Variants in AGA observed in about 807,000 individuals in gnomAD.
AGA encodes the protein N(4)-(beta-N-acetylglucosaminyl)-L-asparaginase.
A neutral mutation model predicts 40.1 loss-of-function variants in AGA; 31 were observed. The observed-to-expected ratio is 0.77, with a 90% CI of 0.58 to 1.04. The LOEUF is 1.04. Among genes scored for constraint, AGA ranks in the 50% least tolerant of loss-of-function variants. The pLI, the probability that AGA is intolerant of heterozygous loss-of-function variation, is 0.00. For missense variants in AGA, 445 were observed against 435.4 expected, an observed-to-expected ratio of 1.02 and a Z score of -0.20; for synonymous variants, 148 against 144.0, an observed-to-expected ratio of 1.03 and a Z score of -0.20.
rs563792866 is a variant in AGA at position 177,431,207 on chromosome 4, C to T, written c.*501G>A. The T allele has an allele frequency of 4.5e-6, 2 of 440,792 alleles. No individual in the cohort carries two copies. The highest frequency in any genetic ancestry group is 3.3e-5 in the South Asian group (2 of 60,994). The allele number at this position is 440,792 out of a possible 1,614,324, so 27.3% of individuals were successfully genotyped here. On this transcript the variant is annotated 3_prime_UTR_variant, in exon 9 of 9. Transcript: ENST00000264595. Reference sequence around the variant, plus strand: ...TATCTCATGTTCTATCATCTTCCTTCCTCAAGTTTTTAGGGAATATTAAGT... The same window carrying T: ...TATCTCATGTTCTATCATCTTCCTTTCTCAAGTTTTTAGGGAATATTAAGT...
At chr4:177,433,792 A>G (rs1445071927) in intron 7 of AGA, among the ~76,000 whole-genome samples, 1 of 152,170 alleles carries the variant, frequency 6.6e-6, no homozygotes, top group Non-Finnish European at 1.5e-5. Flanking sequence ...TTTACTCAGT[A>G]GCTTTACATC....
chr4:177,438,624 T>C, intron 4 of AGA, 121 bp downstream of exon 4: 1 of 737,750 alleles, frequency 1.4e-6, no homozygotes, highest in Non-Finnish European at 2.4e-6. Flanking sequence ...AAACCACTAG[T>C]TCTAATGTAC....
At chr4:177,437,269 G>T in intron 5 of AGA, 136 bp downstream of exon 5, 2 of 700,964 alleles carry the variant, frequency 2.9e-6, no homozygotes, top group Non-Finnish European at 5.1e-6. Context: ...AGACAAGATG[G>T]ATCTATCTAT....
Position 177,431,330 on chromosome 4 carries a change from C to A in AGA, c.*378G>T, listed in dbSNP as rs1367771594. On this transcript the variant is annotated 3_prime_UTR_variant, in exon 9 of 9. Transcript: ENST00000264595. Reference sequence around the variant, plus strand: ...GACTCTGCTGTTTTTTTCTTTGGGTCTAAAAAACTTGTATACTCTATTTTA... The same window carrying A: ...GACTCTGCTGTTTTTTTCTTTGGGTATAAAAAACTTGTATACTCTATTTTA... 1 of 448,208 alleles carries A rather than the reference C, an allele frequency of 2.2e-6. No individual in the cohort carries two copies. The highest frequency in any genetic ancestry group is 2.0e-5 in the African/African-American group (1 of 49,642). The allele number at this position is 448,208 out of a possible 1,614,324, so 27.8% of individuals were successfully genotyped here. A position where few individuals can be genotyped will look rare whatever the true frequency, so the allele number is the denominator to read the frequency against.
chr4:177,431,493 A>T lies in AGA; in HGVS notation c.*215T>A, dbSNP rs1361370895. ...AAATATATACAAAATACAGCCACAT[A>T]CATATTCATCTTCAGATAATATAAG... On this transcript the variant is annotated 3_prime_UTR_variant, in exon 9 of 9. Transcript: ENST00000264595. 1.6e-6 allele frequency: 1 copy of T among 610,130 alleles called. No homozygotes were observed. Among genetic ancestry groups the T allele is most frequent in the Non-Finnish European group, 3.0e-6 (1 of 338,578 alleles). 37.8% of individuals were successfully genotyped at this position (610,130 alleles called of 1,614,324 possible). A position where few individuals can be genotyped will look rare whatever the true frequency, so the allele number is the denominator to read the frequency against.
intron 5 of AGA, 116 bp downstream of exon 5, chr4:177,437,289 C>T: frequency 1.3e-6 from 1 of 777,346 alleles, no homozygotes. Context: ...TAGAGAGGCA[C>T]ACTTAATTGG....
At chr4:177,436,134 CAG>C (rs2111012921) in intron 6 of AGA, 140 bp downstream of exon 6, 3 of 736,356 alleles carry the variant, frequency 4.1e-6, no homozygotes, top group East Asian at 2.7e-5. Context: ...TGGCACTCAG[CAG>C]AGAGTACTGC....
intron 6 of AGA, among the ~76,000 whole-genome samples, chr4:177,435,191 G>A (rs1247878489): frequency 6.6e-6 from 1 of 152,046 alleles, no homozygotes; most frequent in Non-Finnish European, 1.5e-5. Context: ...GATTACAGGC[G>A]TGAGCCACTG....
chr4:177,442,203 G>A lies in AGA; in HGVS notation c.127+46C>T, dbSNP rs368930529. On this transcript the variant is annotated intron_variant, in intron 1 of 8. Transcript: ENST00000264595. Reference sequence around the variant, plus strand: ...CGGGGCGGGCTAGTCATCCCCACCCGCAAGCTCTCGCGGCGCAGCCGCCCG... The same window carrying A: ...CGGGGCGGGCTAGTCATCCCCACCCACAAGCTCTCGCGGCGCAGCCGCCCG... The A allele has an allele frequency of 4.5e-4, 722 of 1,608,354 alleles. 1 individual carries two copies. The highest frequency in any genetic ancestry group is 5.6e-4 in the Non-Finnish European group (661 of 1,177,904).
rs376050862 is a variant in AGA at position 177,442,376 on chromosome 4, C to G, written c.-1G>C. 18 of 1,613,934 alleles carry G rather than the reference C, an allele frequency of 1.1e-5. No individual in the cohort carries two copies. Among genetic ancestry groups the G allele is most frequent in the South Asian group, 5.5e-5 (5 of 91,088 alleles). On this transcript the variant is annotated 5_prime_UTR_variant, in exon 1 of 9. Transcript: ENST00000264595. Reference sequence around the variant, plus strand: ...CAGGCAAGTTCGACTTCCGCGCCATCCCTGACCACCGAAGAGACCAGCGCG... The same window carrying G: ...CAGGCAAGTTCGACTTCCGCGCCATGCCTGACCACCGAAGAGACCAGCGCG...
At chr4:177,437,789 A>G (rs913551567) in intron 4 of AGA, among the ~76,000 whole-genome samples, 1 of 152,184 alleles carries the variant, frequency 6.6e-6, no homozygotes, top group African/African-American at 2.4e-5. Flanking sequence ...CTCTCTTTAT[A>G]TATATCTAAA....
intron 7 of AGA, 100 bp from the exon 8 acceptor site, chr4:177,433,447 T>G (rs779436629): frequency 3.4e-5 from 47 of 1,364,818 alleles, no homozygotes; most frequent in African/African-American, 5.7e-5. Context: ...AATTGCCACA[T>G]GTGATAGAAT....
Position 177,434,424 on chromosome 4 carries a change from G to A in AGA, c.764C>T (p.Ala255Val). The change falls in exon 7 of 9, where the codon GCA (alanine) becomes GTA (valine). Residue 255 changes from alanine (A) to valine (V), a missense_variant. Coordinates refer to ENST00000264595, the MANE Select transcript of AGA (RefSeq NM_000027.4). ...AYADDTAGAAAATGNGDILMR... is the reference protein window; with the variant it reads ...AYADDTAGAAVATGNGDILMR... Reference sequence around the variant, plus strand: ...CAATATATCACCATTCCCAGTGGCTGCGGCTGCCCCTGCAGTATCGTCAGC... The same window carrying A: ...CAATATATCACCATTCCCAGTGGCTACGGCTGCCCCTGCAGTATCGTCAGC... 3 of 1,614,200 alleles carry A rather than the reference G, an allele frequency of 1.9e-6. No individual in the cohort carries two copies. The highest frequency in any genetic ancestry group is 2.5e-6 in the Non-Finnish European group (3 of 1,180,032).
Position 177,442,367 on chromosome 4 carries a change from C to T in AGA, c.9G>A (p.Arg3=), listed in dbSNP as rs1298222188. The part of the protein sequence containing the change: MA[R]KSNLPVLLVP... ...CGAGAAGCACAGGCAAGTTCGACTTCCGCGCCATCCCTGACCACCGAAGAG... is the reference window on the plus strand; with the variant it reads ...CGAGAAGCACAGGCAAGTTCGACTTTCGCGCCATCCCTGACCACCGAAGAG... The change falls in exon 1 of 9, where the codon CGG becomes CGA. Residue 3 remains arginine, a synonymous_variant. Transcript: ENST00000264595. The T allele has an allele frequency of 2.5e-6, 4 of 1,614,036 alleles. No individual in the cohort carries two copies. The highest frequency in any genetic ancestry group is 4.5e-5 in the East Asian group (2 of 44,868).
In AGA at chr4:177,438,739, G is replaced by A. The variant is rs762507077; in HGVS notation, c.507+6C>T. 2 of 1,534,174 alleles carry A rather than the reference G, an allele frequency of 1.3e-6. No homozygotes were observed. The highest frequency in any genetic ancestry group is 1.8e-6 in the Non-Finnish European group (2 of 1,107,266). On this transcript the variant is annotated splice_donor_region_variant and intron_variant, in intron 4 of 8. Coordinates refer to ENST00000264595, the MANE Select transcript of AGA (RefSeq NM_000027.4). ...ACTTATTTTTTTAAATTAAATGTGTGCATACCCTCCAATAATTTGGCTGGC... is the reference window on the plus strand; with the variant it reads ...ACTTATTTTTTTAAATTAAATGTGTACATACCCTCCAATAATTTGGCTGGC...
At chr4:177,435,419 C>G (rs1313816168) in intron 6 of AGA, among the ~76,000 whole-genome samples, 1 of 152,158 alleles carries the variant, frequency 6.6e-6, no homozygotes, top group East Asian at 1.9e-4. Flanking sequence ...CAGGATGGCA[C>G]AGATTTACAG....
intron 1 of AGA, 43 bp from the exon 2 acceptor site, chr4:177,440,469 T>A (rs564681166): frequency 5.2e-5 from 82 of 1,587,522 alleles, no homozygotes; most frequent in Middle Eastern, 2.2e-4. Flanking sequence ...ATATATATTT[T>A]TTTTTCAATG....
At chr4:177,441,037 G>A (rs1736987235) in intron 1 of AGA, among the ~76,000 whole-genome samples, 1 of 152,078 alleles carries the variant, frequency 6.6e-6, no homozygotes, top group Admixed American at 6.5e-5. Flanking sequence ...TCACACAGCT[G>A]GTAAGTAGCA....
chr4:177,431,936 C>T, intron 8 of AGA, 128 bp from the exon 9 acceptor site: 4 of 768,918 alleles, frequency 5.2e-6, no homozygotes, highest in Non-Finnish European at 9.0e-6. Context: ...CATGGAAATA[C>T]ACTAGTGTCA....
Sources: gnomAD v4.1 joint callset for allele counts (sites outside exome capture counted in the v4.1 genomes callset) on GRCh38, gnomAD v4.1.1 for gene constraint, MANE v1.5 for transcripts, NCBI Gene and HGNC (gene_info 2026-07-23, HGNC 2026-07-21) for gene names.